The following NRDC variants were observed in gnomAD, a reference collection of about 807,000 sequenced individuals.
NRDC encodes the protein nardilysin convertase, also known as nardilysin.
Under a neutral mutation model 147.1 loss-of-function variants are expected in NRDC, and 54 were observed. The observed-to-expected ratio is 0.37, with a 90% CI of 0.29 to 0.46. The LOEUF (loss-of-function observed/expected upper bound fraction) is 0.46, where lower values mean the gene tolerates loss of function less well. Among genes scored for constraint, NRDC ranks in the 20% least tolerant of loss-of-function variants. The pLI, the probability that NRDC is intolerant of heterozygous loss-of-function variation, is 1.00. For synonymous variants in NRDC, 440 were observed against 482.1 expected, an observed-to-expected ratio of 0.91 and a Z score of 1.14; for missense variants, 1,082 against 1,370.6, an observed-to-expected ratio of 0.79 and a Z score of 3.33.
chr1:51,812,722 G>C (rs1679784078), intron 14 of NRDC, among the ~76,000 whole-genome samples: 1 of 152,098 alleles, frequency 6.6e-6, no homozygotes, highest in African/African-American at 2.4e-5. Context: ...GATTATGTGA[G>C]CAATAAAGAC....
At chr1:51,794,376 A>C in intron 24 of NRDC, 96 bp downstream of exon 24, 1 of 1,240,134 alleles carries the variant, frequency 8.1e-7, no homozygotes, top group South Asian at 1.4e-5. Flanking sequence ...CCAAGCATGA[A>C]ACTACAGAAG....
intron 1 of NRDC, among the ~76,000 whole-genome samples, chr1:51,844,674 GC>G (rs1480766642): frequency 1.1e-4 from 17 of 151,060 alleles, no homozygotes; most frequent in African/African-American, 3.2e-4. Context: ...AACCCGGGAG[GC>G]GAAGGCTGCA....
intron 1 of NRDC, chr1:51,878,027 C>G: frequency 7.4e-7 from 1 of 1,351,010 alleles, no homozygotes. Flanking sequence ...CTTGCTTTAG[C>G]GACTGTATTC....
chr1:51,875,464 C>T (rs1683276677), intron 1 of NRDC, among the ~76,000 whole-genome samples: 1 of 152,234 alleles, frequency 6.6e-6, no homozygotes, highest in African/African-American at 2.4e-5. Context: ...TGAAGTCTTT[C>T]CTTTCTCCCC....
At chr1:51,854,978 A>G (rs1270573592) in intron 1 of NRDC, among the ~76,000 whole-genome samples, 1 of 152,182 alleles carries the variant, frequency 6.6e-6, no homozygotes, top group Admixed American at 6.5e-5. Context: ...GGGCCTGGAG[A>G]AGGTTATACC....
intron 5 of NRDC, among the ~76,000 whole-genome samples, chr1:51,826,198 G>A (rs955606624): frequency 6.6e-6 from 1 of 152,122 alleles, no homozygotes; most frequent in Admixed American, 6.6e-5. Context: ...ACTAAAAACC[G>A]CTAGAACTGC....
intron 29 of NRDC, 62 bp from the exon 30 acceptor site, chr1:51,789,719 C>T (rs1315377062): frequency 1.8e-5 from 21 of 1,179,302 alleles, no homozygotes; most frequent in Non-Finnish European, 1.3e-6. Flanking sequence ...TAAACCTAAC[C>T]CCCAGGCAGA....
chr1:51,792,263 C>A, intron 25 of NRDC, 114 bp downstream of exon 25: 1 of 1,352,064 alleles, frequency 7.4e-7, no homozygotes. Context: ...GACCATCTCA[C>A]CTTCAAATCA....
intron 1 of NRDC, among the ~76,000 whole-genome samples, chr1:51,853,216 CA>C (rs942070091): frequency 2.3e-4 from 33 of 143,694 alleles, no homozygotes; most frequent in East Asian, 1.8e-3. Context: ...AGACTGTCTC[CA>C]AAAAAAAATA....
rs112433655 is a variant in NRDC at position 51,814,730 on chromosome 1, A to G, written c.1523T>C (p.Ile508Thr). The G allele has an allele frequency of 6.2e-7, 1 of 1,611,914 alleles. No homozygotes were observed. Among genetic ancestry groups the G allele is most frequent in the Non-Finnish European group, 8.5e-7 (1 of 1,179,312 alleles). ...NSTYSVFSIS[I>T]TLTDEGYEHF... Reference sequence around the variant, plus strand: ...TTCATAACCCTCATCAGTCAATGTAATAGAAATGCTGAACACTGAATAAGT... The same window carrying G: ...TTCATAACCCTCATCAGTCAATGTAGTAGAAATGCTGAACACTGAATAAGT... Residue 508 changes from isoleucine to threonine, a missense_variant, in exon 12 of 31, where the codon ATT becomes ACT. Around this residue, in one of 3 missense-constraint regions of NRDC, gnomAD observed 635 missense variants for 923.8 expected, o/e 0.69. Transcript: ENST00000352171.
intron 1 of NRDC, among the ~76,000 whole-genome samples, chr1:51,861,805 G>A (rs919124612): frequency 6.6e-6 from 1 of 152,104 alleles, no homozygotes; most frequent in Non-Finnish European, 1.5e-5. Context: ...ACCAAACATT[G>A]GTCATAAACC....
intron 1 of NRDC, among the ~76,000 whole-genome samples, chr1:51,850,887 CCTTT>C (rs972355033): frequency 2.0e-5 from 3 of 152,192 alleles, no homozygotes; most frequent in South Asian, 2.1e-4. Flanking sequence ...ACCATGCCTT[CCTTT>C]CTACCACTGC....
rs1351369526 is a variant in NRDC at position 51,790,948 on chromosome 1, G to C, written c.3003C>G (p.Ser1001Arg). ...VDKKIEEFLS[S>R]FEEKIENLTE... ...TGAGGTTCTCAATCTTCTCCTCAAA[G>C]CTAGAAAGAAACTCTTCTATCTTCT... The change falls in exon 28 of 31, where the codon AGC (serine) becomes AGG (arginine). Residue 1001 changes from serine to arginine, a missense_variant. By Grantham distance (110) the Ser-to-Arg change is moderately radical. This residue lies in a region of NRDC where 187 missense variants were observed against 193.6 expected (regional missense o/e 0.97). Coordinates refer to ENST00000352171, the MANE Select transcript of NRDC (RefSeq NM_001101662.2). 6.2e-7 allele frequency: 1 copy of C among 1,613,794 alleles called. No individual in the cohort carries two copies. The highest frequency in any genetic ancestry group is 1.1e-5 in the South Asian group (1 of 91,054).
intron 14 of NRDC, among the ~76,000 whole-genome samples, chr1:51,812,906 G>A (rs556489468): frequency 1.4e-5 from 2 of 140,958 alleles, no homozygotes; most frequent in Non-Finnish European, 3.0e-5. Context: ...AGGTTGCAGT[G>A]AGCCAAGATC....
At chr1:51,872,176 AAC>A (rs768249310) in intron 1 of NRDC, among the ~76,000 whole-genome samples, 1 of 152,112 alleles carries the variant, frequency 6.6e-6, no homozygotes, top group Non-Finnish European at 1.5e-5. Context: ...CAGTCAGAAA[AAC>A]AGAGAGTTTT....
chr1:51,791,271 G>A (rs113854646), intron 27 of NRDC, among the ~76,000 whole-genome samples: 1 of 152,078 alleles, frequency 6.6e-6, no homozygotes, highest in South Asian at 2.1e-4. Context: ...AAAACTAACA[G>A]GTTTCAGCAA....
chr1:51,853,848 A>G (rs1682107948), intron 1 of NRDC, among the ~76,000 whole-genome samples: 1 of 152,202 alleles, frequency 6.6e-6, no homozygotes, highest in Non-Finnish European at 1.5e-5. Flanking sequence ...GACTGTCCCT[A>G]AGGACTGGTT....
chr1:51,871,186 AC>A (rs1683069272), intron 1 of NRDC, among the ~76,000 whole-genome samples: 2 of 152,118 alleles, frequency 1.3e-5, no homozygotes, highest in Non-Finnish European at 2.9e-5. Flanking sequence ...GCATGGCGGC[AC>A]ATGCCTGTAA....
chr1:51,827,508 C>A (rs184983605), intron 5 of NRDC, among the ~76,000 whole-genome samples: 1 of 152,314 alleles, frequency 6.6e-6, no homozygotes, highest in East Asian at 1.9e-4. Flanking sequence ...TAAGCACATT[C>A]TTTTCCTTTA....
Sources: gnomAD v4.1 joint callset for allele counts (sites outside exome capture counted in the v4.1 genomes callset) on GRCh38, gnomAD v4.1.1 for gene constraint, gnomAD v4.1.1 regional missense constraint, MANE v1.5 for transcripts, NCBI Gene and HGNC (gene_info 2026-07-23, HGNC 2026-07-21) for gene names.